RAB6B: variants seen among roughly 807,000 people sequenced by gnomAD.
The protein encoded by RAB6B is ras-related protein Rab-6B.
In RAB6B, 7 loss-of-function variants were observed where a neutral mutation model predicts 31.2. The observed-to-expected ratio is 0.22, with a 90% CI of 0.13 to 0.42. The LOEUF is 0.42. Among genes scored for constraint, RAB6B ranks in the 10% least tolerant of loss-of-function variants. The pLI is 1.00. For missense variants in RAB6B, 149 were observed against 280.6 expected (o/e 0.53, Z 3.35); for synonymous variants, 105 against 104.9 (o/e 1.00, Z -0.01).
At chr3:133,875,632 C>G (rs1333599059) in intron 1 of RAB6B, among the ~76,000 whole-genome samples, 4 of 152,186 alleles carry the variant, frequency 2.6e-5, no homozygotes, top group African/African-American at 9.7e-5. Flanking sequence ...GCCTTATGAG[C>G]TCTCAGGACA....
At chr3:133,834,554 C>T (rs1460960427) in intron 7 of RAB6B, 21 bp downstream of exon 7, 1 of 1,600,004 alleles carries the variant, frequency 6.2e-7, no homozygotes, top group Non-Finnish European at 8.6e-7. Flanking sequence ...TTTTCACTCA[C>T]TTGTCAAAGG....
chr3:133,839,611 T>C lies in RAB6B; in HGVS notation c.296A>G (p.Asn99Ser), dbSNP rs1935792005. 4 of 1,611,244 alleles carry C rather than the reference T, an allele frequency of 2.5e-6. No homozygotes were observed. In the Middle Eastern group the frequency reaches 5.0e-4, roughly 199 times the overall value. ...CCACTTAGAGGTCTGTTGGAAGGAG[T>C]TGAGATCTGGAGGCAGAAAGTGAGG... ...AVVVYDITNLNSFQQTSKWID... is the reference protein window; with the variant it reads ...AVVVYDITNLSSFQQTSKWID... The change falls in exon 5 of 8, where the codon AAC becomes AGC. Residue 99 changes from asparagine to serine, a missense_variant. Asn to Ser is a conservative substitution (Grantham distance 46). This residue lies in a region of RAB6B where 75 missense variants were observed against 180.1 expected (regional missense o/e 0.42). Coordinates refer to ENST00000285208, the MANE Select transcript of RAB6B (RefSeq NM_016577.4).
chr3:133,885,777 T>C (rs1394089795), intron 1 of RAB6B: 1 of 599,768 alleles, frequency 1.7e-6, no homozygotes, highest in South Asian at 2.0e-5. Flanking sequence ...TCCTTCATTG[T>C]TCCTGAGGCC....
intron 1 of RAB6B, among the ~76,000 whole-genome samples, chr3:133,866,963 C>T (rs1936246844): frequency 2.0e-5 from 3 of 152,234 alleles, no homozygotes; most frequent in East Asian, 1.9e-4. Flanking sequence ...GATGGGAAGA[C>T]ACTGAGTCTC....
At chr3:133,836,567 G>T (rs569805023) in intron 6 of RAB6B, among the ~76,000 whole-genome samples, 4 of 152,176 alleles carry the variant, frequency 2.6e-5, no homozygotes, top group Non-Finnish European at 5.9e-5. Context: ...GAGCACTCTG[G>T]GGGTAGGGGC....
chr3:133,864,493 G>A (rs1461440703), intron 2 of RAB6B, 91 bp downstream of exon 2: 1 of 1,314,500 alleles, frequency 7.6e-7, no homozygotes, highest in African/African-American at 1.5e-5. Flanking sequence ...TGGGAACCCA[G>A]GGCCATTCCA....
At chr3:133,878,815 G>A (rs1576408574) in intron 1 of RAB6B, among the ~76,000 whole-genome samples, 1 of 152,176 alleles carries the variant, frequency 6.6e-6, no homozygotes, top group East Asian at 1.9e-4. Flanking sequence ...GAAAAATATT[G>A]TCAACACAGA....
rs1293998887 is a variant in RAB6B at position 133,854,491 on chromosome 3, T to C, written c.129+10093A>G. On this transcript the variant is annotated intron_variant, in intron 2 of 7. Coordinates refer to ENST00000285208, the MANE Select transcript of RAB6B (RefSeq NM_016577.4). ...CCTCGGCTGTGCTGGGCACACCTCC[T>C]GCACTGCACCATGTCCTCTCAGAAG... 3.9e-5 allele frequency among the ~76,000 whole-genome samples: 6 copies of C among 152,372 alleles called. No individual in the cohort carries two copies. The East Asian group carries it at 7.7e-4, about 20-fold the overall frequency.
chr3:133,828,844 T>C lies in RAB6B; in HGVS notation c.571A>G (p.Ile191Val). The change falls in exon 8 of 8, where the codon ATC (isoleucine) becomes GTC (valine). Residue 191 changes from isoleucine to valine, a missense_variant. Around this residue, in one of 2 missense-constraint regions of RAB6B, gnomAD observed 74 missense variants for 100.5 expected, o/e 0.74. Transcript: ENST00000285208. ...GGCTCCTGGGGTTTGTCCAGCTTGATGTCGATCACTGCAGGGGGACGGGCT... is the reference window on the plus strand; with the variant it reads ...GGCTCCTGGGGTTTGTCCAGCTTGACGTCGATCACTGCAGGGGGACGGGCT... Reference protein sequence around the residue: ...QEKSKEGMIDIKLDKPQEPPA... With the variant: ...QEKSKEGMIDVKLDKPQEPPA... 6.2e-7 allele frequency: 1 copy of C among 1,612,562 alleles called. No homozygotes were observed. The highest frequency in any genetic ancestry group is 8.5e-7 in the Non-Finnish European group (1 of 1,179,026).
At chr3:133,849,255 C>T (rs182008044) in intron 2 of RAB6B, among the ~76,000 whole-genome samples, 1 of 152,184 alleles carries the variant, frequency 6.6e-6, no homozygotes, top group Non-Finnish European at 1.5e-5. Flanking sequence ...TCAATCTCTC[C>T]CACTGGCCAG....
At chr3:133,890,185 G>GT (rs1936618502) in intron 1 of RAB6B, among the ~76,000 whole-genome samples, 1 of 152,208 alleles carries the variant, frequency 6.6e-6, no homozygotes. Context: ...CTGAGGTCTG[G>GT]TGTGTCCCTT....
intron 2 of RAB6B, among the ~76,000 whole-genome samples, chr3:133,861,730 A>G (rs188025889): frequency 2.0e-5 from 3 of 152,316 alleles, no homozygotes; most frequent in Admixed American, 1.3e-4. Context: ...AGAGGGGAGT[A>G]GTGGGGCCAG....
At chr3:133,885,988 C>T (rs1454619032) in intron 1 of RAB6B, among the ~76,000 whole-genome samples, 1 of 152,178 alleles carries the variant, frequency 6.6e-6, no homozygotes, top group East Asian at 1.9e-4. Flanking sequence ...TGAGCATGTC[C>T]CTCTGGGTCA....
intron 1 of RAB6B, among the ~76,000 whole-genome samples, chr3:133,865,202 T>C (rs1422242817): frequency 1.3e-5 from 2 of 152,196 alleles, no homozygotes; most frequent in African/African-American, 2.4e-5. Flanking sequence ...GTCCAGCTCA[T>C]TGCAGGATGT....
At chr3:133,871,084 G>A (rs1474852914) in intron 1 of RAB6B, among the ~76,000 whole-genome samples, 1 of 152,236 alleles carries the variant, frequency 6.6e-6, no homozygotes, top group Non-Finnish European at 1.5e-5. Context: ...TTTCTAGGTA[G>A]CTGCAGAGGC....
chr3:133,888,639 T>C (rs939847467), intron 1 of RAB6B, among the ~76,000 whole-genome samples: 4 of 152,252 alleles, frequency 2.6e-5, no homozygotes, highest in African/African-American at 9.6e-5. Context: ...TAAATCACTT[T>C]ATTAAAATGC....
intron 1 of RAB6B, among the ~76,000 whole-genome samples, chr3:133,871,389 C>G (rs1161824444): frequency 2.0e-5 from 3 of 152,218 alleles, no homozygotes; most frequent in African/African-American, 7.2e-5. Flanking sequence ...GAGGGGGTCA[C>G]AGGGAACAAC....
intron 1 of RAB6B, among the ~76,000 whole-genome samples, chr3:133,878,874 A>G (rs762917878): frequency 5.2e-5 from 8 of 152,382 alleles, no homozygotes; most frequent in Non-Finnish European, 1.0e-4. Flanking sequence ...AAATAAAGGC[A>G]TATGTTGAGA....
intron 1 of RAB6B, among the ~76,000 whole-genome samples, chr3:133,875,691 G>C (rs1236244363): frequency 6.6e-6 from 1 of 152,164 alleles, no homozygotes; most frequent in Non-Finnish European, 1.5e-5. Context: ...GTCCACACCT[G>C]ACTTGAGATT....
Sources: allele counts gnomAD v4.1 joint callset (sites outside exome capture counted in the v4.1 genomes callset), GRCh38; gene constraint gnomAD v4.1.1; regional missense constraint gnomAD v4.1.1; transcripts MANE v1.5; gene names NCBI Gene and HGNC (gene_info 2026-07-23, HGNC 2026-07-21).